Variants in USP33 observed in about 807,000 individuals in gnomAD.
USP33 encodes the protein ubiquitin specific peptidase 33.
In USP33, 46 loss-of-function variants were observed where a neutral mutation model predicts 124.2. The ratio of observed to expected loss-of-function variants is 0.37; its 90% CI spans 0.29 to 0.47. The LOEUF is 0.47. Ranked by LOEUF, USP33 falls within the 20% of genes least tolerant of loss-of-function variation. The pLI is 0.99. For synonymous variants in USP33, 350 were observed against 352.3 expected (o/e 0.99, Z 0.07); for missense variants, 851 against 1,070.6 (o/e 0.79, Z 2.86).
intron 21 of USP33, among the ~76,000 whole-genome samples, chr1:77,703,731 C>A (rs1050324886): frequency 6.6e-6 from 1 of 152,196 alleles, no homozygotes; most frequent in Admixed American, 6.5e-5. Context: ...GTACCCATCA[C>A]CTTTTAATAT....
Position 77,736,142 on chromosome 1 carries a change from C to T in USP33, c.368G>A (p.Ser123Asn). ...ENSVQDFKIP[S>N]NTTLKTPLVA... is the part of the protein sequence containing the mutation. ...CAGAGGAGTTTTTAATGTTGTATTA[C>T]TGGGTATTTTAAAATCCTTGATAAC... Residue 123 changes from serine (S) to asparagine (N), a missense_variant, in exon 6 of 24, where the codon AGT becomes AAT. Physicochemically the swap from Ser to Asn is conservative, Grantham distance 46 (BLOSUM62 1). Coordinates refer to ENST00000370794, the MANE Select transcript of USP33 (RefSeq NM_201624.3). 1 of 1,610,296 alleles carries T rather than the reference C, an allele frequency of 6.2e-7. No homozygotes were observed. Among genetic ancestry groups the T allele is most frequent in the South Asian group, 1.1e-5 (1 of 90,180 alleles).
chr1:77,757,881 T>C (rs1299538195), intron 1 of USP33, among the ~76,000 whole-genome samples: 1 of 152,218 alleles, frequency 6.6e-6, no homozygotes, highest in East Asian at 1.9e-4. Flanking sequence ...AGTAAGACTG[T>C]GTAAGTGAAA....
In USP33 at chr1:77,725,614, C is replaced by A. The variant is rs543697980; in HGVS notation, c.1276+8G>T. 6.2e-7 allele frequency: 1 copy of A among 1,613,506 alleles called. No individual in the cohort carries two copies. Among genetic ancestry groups the A allele is most frequent in the South Asian group, 1.1e-5 (1 of 90,968 alleles). Reference sequence around the variant, plus strand: ...AGCAAAAGAGACTGAATAAGAGAAACGTTTTACCTTTTTTGTGTGGTGGTG... The same window carrying A: ...AGCAAAAGAGACTGAATAAGAGAAAAGTTTTACCTTTTTTGTGTGGTGGTG... On this transcript the variant is annotated splice_region_variant and intron_variant, in intron 11 of 23. Transcript: ENST00000370794.
chr1:77,725,581 A>C, intron 11 of USP33, 41 bp downstream of exon 11: 1 of 1,594,530 alleles, frequency 6.3e-7, no homozygotes, highest in South Asian at 1.1e-5. Flanking sequence ...TTTTAAACTA[A>C]GACCCAAAGC....
chr1:77,727,261 G>T (rs1422920361), intron 10 of USP33, among the ~76,000 whole-genome samples: 1 of 152,122 alleles, frequency 6.6e-6, no homozygotes, highest in Non-Finnish European at 1.5e-5. Context: ...ACACCTAAAA[G>T]CTCAGACTCC....
At position 77,696,420 on chromosome 1, in the gene USP33, T is replaced by G. The variant is rs1166469950; in HGVS notation, c.*897A>C. 9 of 152,654 alleles carry G rather than the reference T, an allele frequency of 5.9e-5. No individual in the cohort carries two copies. The highest frequency in any genetic ancestry group is 5.9e-4 in the Admixed American group (9 of 15,270). 9.5% of individuals were successfully genotyped at this position (152,654 alleles called of 1,614,324 possible). A position where few individuals can be genotyped will look rare whatever the true frequency, so the allele number is the denominator to read the frequency against. ...ACTGATATCTGCTGACAAATTCCAC[T>G]CAAACTAAATATATCCTTGATACAT... On this transcript the variant is annotated 3_prime_UTR_variant, in exon 24 of 24. Transcript: ENST00000370794.
At chr1:77,704,133 T>C (rs1674351885) in intron 21 of USP33, among the ~76,000 whole-genome samples, 1 of 151,564 alleles carries the variant, frequency 6.6e-6, no homozygotes, top group South Asian at 2.1e-4. Flanking sequence ...AAAAAAAGTA[T>C]ATATGTGTGT....
intron 15 of USP33, chr1:77,720,200 ATTCT>A: frequency 6.3e-6 from 1 of 159,804 alleles, no homozygotes; most frequent in Non-Finnish European, 1.1e-5. Context: ...AAAAACCTTT[ATTCT>A]TACATGTGGA....
At position 77,725,687 on chromosome 1, in the gene USP33, C is replaced by T. The variant is rs770279870; in HGVS notation, c.1211G>A (p.Arg404His). 6.2e-6 allele frequency: 10 copies of T among 1,614,004 alleles called. No individual in the cohort carries two copies. The highest frequency in any genetic ancestry group is 1.3e-5 in the African/African-American group (1 of 74,914). Residue 404 changes from arginine to histidine, a missense_variant, in exon 11 of 24, where the codon CGT (arginine) becomes CAT (histidine). This residue lies in a region of USP33 where 207 missense variants were observed against 200.9 expected (regional missense o/e 1.03). Coordinates refer to ENST00000370794, the MANE Select transcript of USP33 (RefSeq NM_201624.3). ...TGATTTAGGAGGGCTTGCCGATAAACGTGGATTAACACCTTCATTTGATGG... is the reference window on the plus strand; with the variant it reads ...TGATTTAGGAGGGCTTGCCGATAAATGTGGATTAACACCTTCATTTGATGG... The part of the protein sequence containing the change: ...ILPSNEGVNP[R>H]LSASPPKSGN...
At chr1:77,702,130 A>C (rs535994401) in intron 21 of USP33, among the ~76,000 whole-genome samples, 2 of 131,314 alleles carry the variant, frequency 1.5e-5, no homozygotes, top group East Asian at 2.3e-4. Context: ...TGACAGAACA[A>C]GACCCTGTCT....
chr1:77,720,188 A>AC, intron 15 of USP33: 4 of 493,256 alleles, frequency 8.1e-6, no homozygotes, highest in East Asian at 1.5e-4. Context: ...AAAAAAAAAA[A>AC]AAAAAACCTT....
chr1:77,751,396 T>C (rs1373643906), intron 1 of USP33, among the ~76,000 whole-genome samples: 2 of 152,174 alleles, frequency 1.3e-5, no homozygotes, highest in African/African-American at 4.8e-5. Context: ...CTCGCACCTG[T>C]AATCCCAGCA....
intron 6 of USP33, among the ~76,000 whole-genome samples, chr1:77,735,654 T>C (rs1229221641): frequency 2.0e-5 from 3 of 152,198 alleles, no homozygotes. Context: ...AGACCGGTTC[T>C]CAATTTAGGG....
intron 1 of USP33, among the ~76,000 whole-genome samples, chr1:77,750,624 A>AAAAGAAAGAAAGAAAGAAAG (rs532432531): frequency 8.1e-6 from 1 of 123,290 alleles, no homozygotes; most frequent in African/African-American, 3.2e-5. Flanking sequence ...CCTGACTTAA[A>AAAAGAAAGAAAGAAAGAAAG]AAAGAAAGAA....
chr1:77,721,115 C>G, intron 15 of USP33, 57 bp downstream of exon 15: 1 of 1,606,682 alleles, frequency 6.2e-7, no homozygotes, highest in Non-Finnish European at 8.5e-7. Context: ...ATACCCAATT[C>G]TAAAAACCAA....
intron 1 of USP33, among the ~76,000 whole-genome samples, chr1:77,746,762 G>C (rs1679785088): frequency 6.6e-6 from 1 of 152,150 alleles, no homozygotes; most frequent in South Asian, 2.1e-4. Context: ...CATATAAACA[G>C]AACCAAAGAC....
chr1:77,727,810 C>G (rs1677330572), intron 10 of USP33, among the ~76,000 whole-genome samples: 1 of 152,144 alleles, frequency 6.6e-6, no homozygotes, highest in African/African-American at 2.4e-5. Flanking sequence ...GCCACATGCT[C>G]TTTCTCAAAG....
chr1:77,735,055 G>A (rs536002447), intron 6 of USP33, among the ~76,000 whole-genome samples: 6 of 152,116 alleles, frequency 3.9e-5, no homozygotes, highest in African/African-American at 7.2e-5. Flanking sequence ...CCCAGGAGGC[G>A]GAGCTTGCAG....
At chr1:77,737,230 AGTT>A (rs1230621883) in intron 5 of USP33, among the ~76,000 whole-genome samples, 4 of 152,200 alleles carry the variant, frequency 2.6e-5, no homozygotes, top group Non-Finnish European at 4.4e-5. Context: ...TGGTTCTCCA[AGTT>A]ATTATAGCCT....
Sources: allele counts gnomAD v4.1 joint callset (sites outside exome capture counted in the v4.1 genomes callset), GRCh38; gene constraint gnomAD v4.1.1; regional missense constraint gnomAD v4.1.1; transcripts MANE v1.5; gene names NCBI Gene and HGNC (gene_info 2026-07-23, HGNC 2026-07-21).